Variants in PCDH9 observed in about 807,000 individuals in gnomAD.
PCDH9 encodes the protein protocadherin-9.
A neutral mutation model predicts 70.6 loss-of-function variants in PCDH9; 24 were observed. That is an observed-to-expected ratio of 0.34 (90% CI 0.25 to 0.48). The LOEUF (loss-of-function observed/expected upper bound fraction) is 0.48. Among genes scored for constraint, PCDH9 ranks in the 20% least tolerant of loss-of-function variants. The probability of loss-of-function intolerance (pLI) is 0.99; values close to 1 mark genes in which losing one functional copy is unlikely to be tolerated. For synonymous variants in PCDH9, 562 were observed against 558.5 expected, an observed-to-expected ratio of 1.01 and a Z score of -0.09; for missense variants, 1,281 against 1,503.6, an observed-to-expected ratio of 0.85 and a Z score of 2.45.
At chr13:67,223,221 C>T (rs962023279) in intron 2 of PCDH9, 6 of 152,090 alleles carry the variant, frequency 3.9e-5, no homozygotes, top group African/African-American at 1.4e-4. Flanking sequence ...CATACAAAGA[C>T]TTTTATGACT....
chr13:66,624,244 A>C (rs565603192), intron 4 of PCDH9, among the ~76,000 whole-genome samples: 1 of 152,318 alleles, frequency 6.6e-6, no homozygotes, highest in Admixed American at 6.5e-5. Context: ...AGAATCCTCA[A>C]ATGAAAGTCA....
chr13:66,948,296 G>A lies in PCDH9; in HGVS notation c.3037-44691C>T, dbSNP rs1048753878. 6.6e-5 allele frequency among the ~76,000 whole-genome samples: 10 copies of A among 152,188 alleles called. No individual in the cohort carries two copies. In the South Asian group the frequency reaches 1.0e-3, roughly 16 times the overall value. On this transcript the variant is annotated intron_variant, in intron 2 of 4. Coordinates refer to ENST00000377865, the MANE Select transcript of PCDH9 (RefSeq NM_203487.3). ...ATGCCAGTATAGTTTCTAGAATAGA[G>A]TAGGAATTTAATAGATAGCTTGTGA...
intron 4 of PCDH9, among the ~76,000 whole-genome samples, chr13:66,445,657 A>ACATATATATTAT (rs1418334682): frequency 1.4e-5 from 2 of 144,794 alleles, no homozygotes; most frequent in African/African-American, 5.0e-5. Flanking sequence ...TTATATATAC[A>ACATATATATTAT]GATATATATT....
intron 3 of PCDH9, chr13:66,825,329 A>G (rs2080800779): frequency 1.5e-5 from 2 of 132,578 alleles, no homozygotes; most frequent in Admixed American, 9.6e-5. Context: ...ATAGTGTTAT[A>G]AAAACTTTTT....
intron 4 of PCDH9, among the ~76,000 whole-genome samples, chr13:66,310,794 TCTCA>T (rs1955547725): frequency 1.3e-5 from 2 of 152,062 alleles, no homozygotes; most frequent in Non-Finnish European, 2.9e-5. Flanking sequence ...ATTCATCACA[TCTCA>T]CTCCATTTTT....
intron 3 of PCDH9, among the ~76,000 whole-genome samples, chr13:66,649,720 A>G (rs2077823537): frequency 6.6e-6 from 1 of 152,098 alleles, no homozygotes; most frequent in Admixed American, 6.6e-5. Flanking sequence ...TAGAAAGACT[A>G]GAAGGTGAAT....
chr13:66,617,699 C>T (rs2077373403), intron 4 of PCDH9, among the ~76,000 whole-genome samples: 1 of 152,122 alleles, frequency 6.6e-6, no homozygotes, highest in South Asian at 2.1e-4. Flanking sequence ...TGTCCTTACC[C>T]CTCCCCTTGT....
At chr13:66,957,653 T>A (rs567133834) in intron 2 of PCDH9, among the ~76,000 whole-genome samples, 1 of 152,142 alleles carries the variant, frequency 6.6e-6, no homozygotes, top group Admixed American at 6.6e-5. Context: ...ACTGTCCTTA[T>A]GAGAAGAGAC....
At chr13:66,444,029 C>T (rs905983040) in intron 4 of PCDH9, among the ~76,000 whole-genome samples, 3 of 152,052 alleles carry the variant, frequency 2.0e-5, no homozygotes, top group Non-Finnish European at 4.4e-5. Flanking sequence ...ACAAATTCAC[C>T]TGTTTATCTC....
At chr13:66,945,102 G>T (rs926848781) in intron 2 of PCDH9, among the ~76,000 whole-genome samples, 2 of 151,882 alleles carry the variant, frequency 1.3e-5, no homozygotes, top group African/African-American at 2.4e-5. Context: ...TTTTATAAAA[G>T]AAATTTACAT....
At chr13:66,673,207 C>T (rs559788298) in intron 3 of PCDH9, among the ~76,000 whole-genome samples, 4 of 152,162 alleles carry the variant, frequency 2.6e-5, no homozygotes, top group Middle Eastern at 3.4e-3. Flanking sequence ...GTGGGTTTTC[C>T]CATGCTGTTC....
At chr13:66,758,382 C>A (rs377571452) in intron 3 of PCDH9, among the ~76,000 whole-genome samples, 1 of 151,994 alleles carries the variant, frequency 6.6e-6, no homozygotes, top group South Asian at 2.1e-4. Flanking sequence ...TGGAAATCAC[C>A]ATTTTACTCT....
At chr13:66,342,010 T>C (rs1354679672) in intron 4 of PCDH9, among the ~76,000 whole-genome samples, 1 of 152,222 alleles carries the variant, frequency 6.6e-6, no homozygotes, top group Non-Finnish European at 1.5e-5. Context: ...TTGCCTCTTC[T>C]GCTGTGGGCT....
At chr13:66,932,681 T>TATATATATACACACACAC (rs1313632174) in intron 2 of PCDH9, among the ~76,000 whole-genome samples, 1 of 114,822 alleles carries the variant, frequency 8.7e-6, no homozygotes, top group African/African-American at 3.4e-5. Context: ...TATATATATA[T>TATATATATACACACACAC]ACACACACAC....
chr13:66,941,776 A>T lies in PCDH9; in HGVS notation c.3037-38171T>A, dbSNP rs76720021. On this transcript the variant is annotated intron_variant, in intron 2 of 4. Transcript: ENST00000377865. Reference sequence around the variant, plus strand: ...AACTAATAGACCTGCAAATAAACAGAAAATAAATAGGTATGGAAGACTTTA... The same window carrying T: ...AACTAATAGACCTGCAAATAAACAGTAAATAAATAGGTATGGAAGACTTTA... Among the ~76,000 whole-genome samples, 92 of 152,086 alleles carry T rather than the reference A, an allele frequency of 6.0e-4. 1 individual carries two copies. In the East Asian group the frequency reaches 0.016, roughly 27 times the overall value.
intron 2 of PCDH9, among the ~76,000 whole-genome samples, chr13:67,139,511 A>T (rs1187028413): frequency 6.6e-6 from 1 of 152,146 alleles, no homozygotes; most frequent in Admixed American, 6.5e-5. Flanking sequence ...CCATTTAGGA[A>T]CTTACTTGTA....
chr13:66,747,686 C>A (rs949871502), intron 3 of PCDH9, among the ~76,000 whole-genome samples: 2 of 151,724 alleles, frequency 1.3e-5, no homozygotes, highest in Admixed American at 6.6e-5. Context: ...AAAACATAAT[C>A]AAAAAATAAA....
At chr13:66,566,107 GGCA>G (rs2076648676) in intron 4 of PCDH9, among the ~76,000 whole-genome samples, 1 of 152,262 alleles carries the variant, frequency 6.6e-6, no homozygotes, top group Admixed American at 6.5e-5. Flanking sequence ...TATTCAAGGT[GGCA>G]GTGTCTGAAA....
At chr13:67,054,634 A>C (rs1442410441) in intron 2 of PCDH9, among the ~76,000 whole-genome samples, 1 of 152,216 alleles carries the variant, frequency 6.6e-6, no homozygotes, top group Admixed American at 6.5e-5. Context: ...GCAGAAAAGA[A>C]ATATATTGCA....
Sources: allele counts gnomAD v4.1 joint callset (sites outside exome capture counted in the v4.1 genomes callset), GRCh38; gene constraint gnomAD v4.1.1; transcripts MANE v1.5; gene names NCBI Gene and HGNC (gene_info 2026-07-23, HGNC 2026-07-21).